The following KIF26B variants were observed in gnomAD, a reference collection of about 807,000 sequenced individuals.
KIF26B encodes kinesin family member 26B.
KIF26B carries 63 observed loss-of-function variants against 151.2 expected under a neutral mutation model. The observed-to-expected ratio is 0.42, with a 90% CI of 0.34 to 0.51. The LOEUF (loss-of-function observed/expected upper bound fraction) is 0.51, where lower values mean the gene tolerates loss of function less well. Among genes scored for constraint, KIF26B ranks in the 20% least tolerant of loss-of-function variants. The pLI, the probability that KIF26B is intolerant of heterozygous loss-of-function variation, is 0.07. For synonymous variants in KIF26B, 1,357 were observed against 1,262.1 expected (o/e 1.08, Z -1.59); for missense variants, 2,813 against 2,913.6 (o/e 0.97, Z 0.79).
chr1:245,539,685 C>A (rs1236168649), intron 4 of KIF26B, among the ~76,000 whole-genome samples: 1 of 152,200 alleles, frequency 6.6e-6, no homozygotes, highest in Non-Finnish European at 1.5e-5. Flanking sequence ...CGGAGTCTCA[C>A]TCTGTCACCC....
chr1:245,472,213 C>A (rs371840088), intron 4 of KIF26B, among the ~76,000 whole-genome samples: 1 of 152,304 alleles, frequency 6.6e-6, no homozygotes, highest in East Asian at 1.9e-4. Flanking sequence ...AGGCCTGTCT[C>A]CACTTATGTG....
In KIF26B at chr1:245,260,730, T is replaced by C. The variant is rs1204250710; in HGVS notation, c.465+104047T>C. ...TGCTGGCATCTGTGTCTTAATTGTA[T>C]TGGCATTCCCTTGTACTGGGCCTGG... On this transcript the variant is annotated intron_variant, in intron 2 of 14. Transcript: ENST00000407071. Among the ~76,000 whole-genome samples the C allele has an allele frequency of 2.0e-5, 3 of 152,174 alleles. No individual in the cohort carries two copies. The East Asian group carries it at 5.8e-4, about 29-fold the overall frequency.
At chr1:245,624,623 T>C (rs2043703561) in intron 9 of KIF26B, among the ~76,000 whole-genome samples, 1 of 152,268 alleles carries the variant, frequency 6.6e-6, no homozygotes, top group Admixed American at 6.5e-5. Flanking sequence ...AAGTTTTTAA[T>C]ATATTCTGGA....
At chr1:245,445,474 G>A (rs939534530) in intron 4 of KIF26B, among the ~76,000 whole-genome samples, 2 of 152,176 alleles carry the variant, frequency 1.3e-5, no homozygotes, top group Non-Finnish European at 2.9e-5. Flanking sequence ...AAGTGCGTGC[G>A]TGCGCGTGTG....
At chr1:245,571,464 T>C (rs1304212036) in intron 5 of KIF26B, among the ~76,000 whole-genome samples, 1 of 152,254 alleles carries the variant, frequency 6.6e-6, no homozygotes, top group Non-Finnish European at 1.5e-5. Context: ...ATTCCTTCAC[T>C]GATGAGAAAG....
rs920405332 is a variant in KIF26B, at chr1:245,200,400, T to C, written c.465+43717T>C. On this transcript the variant is annotated intron_variant, in intron 2 of 14. Transcript: ENST00000407071. ...AGCTCTAGGGACTTTGAGGAAGGAA[T>C]ATTGTGGCTAAAATCCTAAATATTT... Among the ~76,000 whole-genome samples the C allele has an allele frequency of 1.3e-5, 2 of 152,210 alleles. 1 individual carries two copies. The highest frequency in any genetic ancestry group is 4.1e-4 in the South Asian group (2 of 4,834).
chr1:245,669,541 G>A lies in KIF26B; in HGVS notation c.2259-14692G>A, dbSNP rs184758273. On this transcript the variant is annotated intron_variant, in intron 10 of 14. Coordinates refer to ENST00000407071, the MANE Select transcript of KIF26B (RefSeq NM_018012.4). ...GGAATCTTATGGACATTTCTCCAGC[G>A]GAGATATATGCACAGCCAAGGAGCA... 4.5e-4 allele frequency among the ~76,000 whole-genome samples: 68 copies of A among 152,264 alleles called. 1 individual carries two copies. In the East Asian group the frequency reaches 0.012, roughly 28 times the overall value.
At position 245,687,546 on chromosome 1, in the gene KIF26B, C is replaced by T. The variant is rs1040108118; in HGVS notation, c.4563C>T (p.Ala1521=). 2.6e-6 allele frequency: 4 copies of T among 1,567,386 alleles called. No homozygotes were observed. The highest frequency in any genetic ancestry group is 3.5e-6 in the Non-Finnish European group (4 of 1,156,674). ...DGCEMALPGL[A]TQSPVHPNKS... ...GTGAGATGGCCCTGCCCGGTTTGGC[C>T]ACCCAGAGCCCCGTGCATCCCAACA... Residue 1521 remains alanine (A), a synonymous_variant, in exon 12 of 15, where the codon GCC becomes GCT. Transcript: ENST00000407071. This position sits in a 1 kb window ranked among gnomAD's most constrained non-coding sequence, Gnocchi z 4.9.
At chr1:245,257,254 T>A (rs1352044378) in intron 2 of KIF26B, among the ~76,000 whole-genome samples, 1 of 152,210 alleles carries the variant, frequency 6.6e-6, no homozygotes, top group Non-Finnish European at 1.5e-5. Context: ...CTTACATGTA[T>A]TGATTGACCT....
At chr1:245,231,760 G>GA (rs1224868475) in intron 2 of KIF26B, among the ~76,000 whole-genome samples, 5 of 151,104 alleles carry the variant, frequency 3.3e-5, no homozygotes, top group African/African-American at 7.3e-5. Flanking sequence ...CACTTAAAAA[G>GA]AAAAAAAAAT....
intron 9 of KIF26B, among the ~76,000 whole-genome samples, chr1:245,624,963 G>GT (rs1211538867): frequency 3.3e-5 from 5 of 151,978 alleles, no homozygotes; most frequent in African/African-American, 9.7e-5. Flanking sequence ...GAGGTTAGGT[G>GT]TTTTTTTGTG....
intron 12 of KIF26B, among the ~76,000 whole-genome samples, chr1:245,695,971 A>G (rs1315254837): frequency 6.6e-6 from 1 of 151,876 alleles, no homozygotes; most frequent in African/African-American, 2.4e-5. Context: ...CCCATCTCAC[A>G]CGGTGCCCTG....
At position 245,375,325 on chromosome 1, in the gene KIF26B, C is replaced by T. The variant is rs185812546; in HGVS notation, c.999+7958C>T. Among the ~76,000 whole-genome samples, 638 of 152,256 alleles carry T rather than the reference C, an allele frequency of 4.2e-3. 7 individuals are homozygous for T. The highest frequency in any genetic ancestry group is 0.015 in the African/African-American group (606 of 41,528). ...CTCCTGACCTCAGGTGATCTGCCTG[C>T]CTCAGCCTCCCAAAGTGCTGGGATT... On this transcript the variant is annotated intron_variant, in intron 3 of 14. Transcript: ENST00000407071. The surrounding 1 kb of genome is among the most constrained non-coding windows in gnomAD (Gnocchi z 4.2).
At chr1:245,251,033 A>G (rs1670434036) in intron 2 of KIF26B, among the ~76,000 whole-genome samples, 2 of 152,320 alleles carry the variant, frequency 1.3e-5, no homozygotes, top group East Asian at 1.9e-4. Flanking sequence ...CTCCAGTCAC[A>G]TAGGACACAC....
At chr1:245,335,679 G>A (rs368447433) in intron 2 of KIF26B, among the ~76,000 whole-genome samples, 3 of 149,576 alleles carry the variant, frequency 2.0e-5, no homozygotes, top group African/African-American at 4.9e-5. Context: ...GGGGAAAGAA[G>A]GGTCCCACGC....
At chr1:245,192,615 T>C (rs1182205532) in intron 2 of KIF26B, among the ~76,000 whole-genome samples, 1 of 152,220 alleles carries the variant, frequency 6.6e-6, no homozygotes, top group East Asian at 1.9e-4. Context: ...TAAAATAATA[T>C]AAACTTCCAG....
chr1:245,642,270 T>C (rs2043899995), intron 9 of KIF26B, among the ~76,000 whole-genome samples: 1 of 152,140 alleles, frequency 6.6e-6, no homozygotes, highest in South Asian at 2.1e-4. Context: ...CTTCAGAATC[T>C]GCTGTGGGAA....
intron 2 of KIF26B, among the ~76,000 whole-genome samples, chr1:245,211,454 C>A (rs554985251): frequency 6.6e-6 from 1 of 152,164 alleles, no homozygotes; most frequent in Non-Finnish European, 1.5e-5. Context: ...GGCTGGAGTG[C>A]GGTGGCCCAA....
intron 2 of KIF26B, among the ~76,000 whole-genome samples, chr1:245,350,221 A>C (rs1207452523): frequency 1.3e-5 from 2 of 152,106 alleles, no homozygotes; most frequent in Non-Finnish European, 2.9e-5. Context: ...TGCGTAGCAG[A>C]GTCATTCATC....
Sources: gnomAD v4.1 joint callset for allele counts (sites outside exome capture counted in the v4.1 genomes callset) on GRCh38, gnomAD v4.1.1 for gene constraint, Gnocchi (gnomAD v3.1) non-coding constraint, MANE v1.5 for transcripts, NCBI Gene and HGNC (gene_info 2026-07-23, HGNC 2026-07-21) for gene names.